The following MRPL48 variants were observed in gnomAD, a reference collection of about 807,000 sequenced individuals.
MRPL48 encodes large ribosomal subunit protein mL48.
A neutral mutation model predicts 32.9 loss-of-function variants in MRPL48; 16 were observed. That is an observed-to-expected ratio of 0.49 (90% CI 0.33 to 0.74). The LOEUF (loss-of-function observed/expected upper bound fraction) is 0.74, where lower values mean the gene tolerates loss of function less well. MRPL48 is among the 30% of genes least tolerant of loss of function. MRPL48 has a pLI of 0.02. For synonymous variants in MRPL48, 94 were observed against 89.2 expected (o/e 1.05, Z -0.31); for missense variants, 206 against 245.3 (o/e 0.84, Z 1.07).
intron 1 of MRPL48, 51 bp downstream of exon 1, chr11:73,788,043 G>C (rs1590918715): frequency 6.8e-7 from 1 of 1,460,874 alleles, no homozygotes; most frequent in Non-Finnish European, 9.4e-7. Context: ...GGACGGTGCA[G>C]AGAGGGGAGA....
At chr11:73,847,691 G>A (rs900751397) in intron 5 of MRPL48, among the ~76,000 whole-genome samples, 2 of 151,964 alleles carry the variant, frequency 1.3e-5, no homozygotes, top group African/African-American at 2.4e-5. Flanking sequence ...TGATCTGCCC[G>A]CTTCGGCCTC....
intron 4 of MRPL48, among the ~76,000 whole-genome samples, chr11:73,832,071 G>A (rs1215337588): frequency 6.6e-6 from 1 of 151,956 alleles, no homozygotes; most frequent in Non-Finnish European, 1.5e-5. Context: ...TTGGGGTAAT[G>A]GCAGCTTAAT....
In MRPL48 at chr11:73,864,506, C is replaced by T; in HGVS notation, c.*136C>T. 1 of 810,328 alleles carries T rather than the reference C, an allele frequency of 1.2e-6. No individual in the cohort carries two copies. Among genetic ancestry groups the T allele is most frequent in the Non-Finnish European group, 2.0e-6 (1 of 496,898 alleles). The allele number at this position is 810,328 out of a possible 1,614,324, so 50.2% of individuals were successfully genotyped here. On this transcript the variant is annotated 3_prime_UTR_variant, in exon 8 of 8. Coordinates refer to ENST00000310614, the MANE Select transcript of MRPL48 (RefSeq NM_016055.6). Reference sequence around the variant, plus strand: ...CCATTCCCATAGCCAGTAATGTCCTCACTCCTCTGTGGCTTGGCTGTACTT... The same window carrying T: ...CCATTCCCATAGCCAGTAATGTCCTTACTCCTCTGTGGCTTGGCTGTACTT...
chr11:73,818,612 G>GT (rs1229068060), intron 3 of MRPL48, among the ~76,000 whole-genome samples: 1 of 152,236 alleles, frequency 6.6e-6, no homozygotes, highest in Non-Finnish European at 1.5e-5. Flanking sequence ...TGGTGGCATT[G>GT]TTTCTGCCCT....
At chr11:73,824,685 C>T (rs761383011) in intron 3 of MRPL48, among the ~76,000 whole-genome samples, 1 of 151,746 alleles carries the variant, frequency 6.6e-6, no homozygotes, top group Admixed American at 6.6e-5. Flanking sequence ...AGTTAGAAAA[C>T]TTCAAAAGGG....
intron 2 of MRPL48, among the ~76,000 whole-genome samples, 176 bp from the exon 3 acceptor site, chr11:73,808,137 A>T (rs998228548): frequency 1.3e-5 from 2 of 152,312 alleles, no homozygotes; most frequent in East Asian, 3.9e-4. Context: ...CATTCTCAGG[A>T]TGTGGCACTT....
At chr11:73,821,271 A>T (rs964033855) in intron 3 of MRPL48, among the ~76,000 whole-genome samples, 5 of 152,144 alleles carry the variant, frequency 3.3e-5, no homozygotes, top group African/African-American at 7.2e-5. Flanking sequence ...CAGAGATTAC[A>T]GGCATGAACT....
intron 3 of MRPL48, among the ~76,000 whole-genome samples, chr11:73,823,326 G>T (rs568045488): frequency 2.6e-5 from 4 of 152,136 alleles, no homozygotes; most frequent in Non-Finnish European, 5.9e-5. Context: ...GACCACAGCA[G>T]CTTGAAGATC....
intron 1 of MRPL48, among the ~76,000 whole-genome samples, chr11:73,803,340 A>AGGCT (rs1947391197): frequency 6.6e-6 from 1 of 152,062 alleles, no homozygotes; most frequent in South Asian, 2.1e-4. Flanking sequence ...CATGTTGGCC[A>AGGCT]GGCTGGTCTT....
In MRPL48 at chr11:73,808,490, G is replaced by T. The variant is rs569777385; in HGVS notation, c.112+140G>T. Reference sequence around the variant, plus strand: ...AACCCCACCCCTCCATGTGAGCATGGAATAGAACCATGGGTGAGAACATCA... The same window carrying T: ...AACCCCACCCCTCCATGTGAGCATGTAATAGAACCATGGGTGAGAACATCA... On this transcript the variant is annotated intron_variant, in intron 3 of 7. Transcript: ENST00000310614. 1,043 of 786,740 alleles carry T rather than the reference G, an allele frequency of 1.3e-3. 2 individuals carry two copies. Among genetic ancestry groups the T allele is most frequent in the Non-Finnish European group, 1.9e-3 (938 of 488,574 alleles). 48.7% of individuals were successfully genotyped at this position (786,740 alleles called of 1,614,324 possible).
At chr11:73,844,401 C>T (rs1948248876) in intron 4 of MRPL48, among the ~76,000 whole-genome samples, 4 of 152,112 alleles carry the variant, frequency 2.6e-5, no homozygotes, top group African/African-American at 9.7e-5. Context: ...ACTGCCACTC[C>T]AGCCTGGGTG....
At chr11:73,863,049 A>C in intron 6 of MRPL48, 123 bp from the exon 7 acceptor site, 1 of 813,864 alleles carries the variant, frequency 1.2e-6, no homozygotes, top group East Asian at 2.7e-5. Flanking sequence ...TTTTGGTGTT[A>C]ATCTTCCACG....
chr11:73,800,810 C>CTTTTTTTT (rs1223951183), intron 1 of MRPL48, among the ~76,000 whole-genome samples: 6 of 132,876 alleles, frequency 4.5e-5, no homozygotes, highest in Non-Finnish European at 8.1e-5. Context: ...TTTTCTTTTT[C>CTTTTTTTT]TTTTTTTTTT....
At chr11:73,796,197 C>G (rs1207535525) in intron 1 of MRPL48, among the ~76,000 whole-genome samples, 1 of 152,148 alleles carries the variant, frequency 6.6e-6, no homozygotes. Context: ...AGCAGGAGCT[C>G]CGCTCTTCCG....
chr11:73,854,555 A>AG (rs1464261662), intron 5 of MRPL48, among the ~76,000 whole-genome samples: 2 of 152,144 alleles, frequency 1.3e-5, no homozygotes, highest in African/African-American at 4.8e-5. Flanking sequence ...CCAAAGTGCT[A>AG]GGATTACAGG....
intron 6 of MRPL48, 113 bp downstream of exon 6, chr11:73,860,122 TC>T: frequency 1.1e-6 from 1 of 885,736 alleles, no homozygotes; most frequent in Non-Finnish European, 1.7e-6. Context: ...AATAGTGTTC[TC>T]CAGGTTCAGT....
At chr11:73,822,690 T>C (rs941768696) in intron 3 of MRPL48, among the ~76,000 whole-genome samples, 1 of 152,164 alleles carries the variant, frequency 6.6e-6, no homozygotes, top group African/African-American at 2.4e-5. Context: ...TTTTACTTGA[T>C]GTCACTTAGA....
chr11:73,823,098 A>G (rs537130819), intron 3 of MRPL48: 78 of 373,564 alleles, frequency 2.1e-4, no homozygotes, highest in African/African-American at 1.6e-3. Flanking sequence ...TTCATTATAT[A>G]TTACAATGTA....
rs1948454611 is a variant in MRPL48, at chr11:73,854,506, C to G, written c.372-5401C>G. ...TTCACTATGTTGGCCAGACTGGTCT[C>G]AAGCTCCTGACCTCAAGTGATCCGC... On this transcript the variant is annotated intron_variant, in intron 5 of 7. Transcript: ENST00000310614. 3.3e-5 allele frequency among the ~76,000 whole-genome samples: 5 copies of G among 152,050 alleles called. No homozygotes were observed. In the South Asian group the frequency reaches 1.0e-3, roughly 31 times the overall value.
Sources: allele counts gnomAD v4.1 joint callset (sites outside exome capture counted in the v4.1 genomes callset), GRCh38; gene constraint gnomAD v4.1.1; transcripts MANE v1.5; gene names NCBI Gene and HGNC (gene_info 2026-07-23, HGNC 2026-07-21).